MRAP2: variants seen among roughly 807,000 people sequenced by gnomAD.
MRAP2 encodes melanocortin 2 receptor accessory protein 2.
A neutral mutation model predicts 17.4 loss-of-function variants in MRAP2; 20 were observed. The ratio of observed to expected loss-of-function variants is 1.15; its 90% confidence interval spans 0.81 to 1.67. The LOEUF is 1.67. MRAP2 is among the 40% of genes most tolerant of loss of function. The pLI is 0.00. For missense variants in MRAP2, 238 were observed against 240.0 expected (o/e 0.99, Z 0.05); for synonymous variants, 96 against 88.4 (o/e 1.09, Z -0.48).
At chr6:84,103,605 T>C in the MRAP2 span, among the ~76,000 whole-genome samples, 10 of 152,370 alleles carry the variant, frequency 6.6e-5, no homozygotes, top group African/African-American at 2.2e-4. Flanking sequence ...TTGCCCTTTA[T>C]AAATAATTCA....
intron 1 of MRAP2, among the ~76,000 whole-genome samples, chr6:84,040,816 G>T (rs895846383): frequency 5.3e-5 from 8 of 152,154 alleles, no homozygotes; most frequent in Non-Finnish European, 1.2e-4. Flanking sequence ...AAGTGTTCAA[G>T]AGGTGACAGA....
At chr6:84,142,034 C>T in the MRAP2 span, among the ~76,000 whole-genome samples, 1 of 152,102 alleles carries the variant, frequency 6.6e-6, no homozygotes, top group Non-Finnish European at 1.5e-5. Flanking sequence ...AAGGAGTTAA[C>T]TAAAACAACC....
chr6:84,104,293 T>C, the MRAP2 span, among the ~76,000 whole-genome samples: 25 of 152,294 alleles, frequency 1.6e-4, no homozygotes, highest in Admixed American at 1.1e-3. Context: ...AAACCATCTT[T>C]TCCTCCTAGG....
At chr6:84,136,573 T>C in the MRAP2 span, among the ~76,000 whole-genome samples, 1 of 152,188 alleles carries the variant, frequency 6.6e-6, no homozygotes, top group Non-Finnish European at 1.5e-5. Context: ...GGAGACATTA[T>C]AGGCTATATG....
intron 1 of MRAP2, among the ~76,000 whole-genome samples, chr6:84,039,788 G>A (rs1229243861): frequency 6.6e-6 from 1 of 152,204 alleles, no homozygotes; most frequent in Non-Finnish European, 1.5e-5. Context: ...CAGGCTGAGG[G>A]AGGGGCTTCT....
chr6:84,083,955 A>G (rs1285822152), intron 3 of MRAP2, among the ~76,000 whole-genome samples: 3 of 152,206 alleles, frequency 2.0e-5, no homozygotes, highest in Non-Finnish European at 2.9e-5. Context: ...AACTCAAATT[A>G]TATTTCTGAC....
the MRAP2 span, among the ~76,000 whole-genome samples, chr6:84,129,309 C>T: frequency 6.6e-6 from 1 of 152,218 alleles, no homozygotes; most frequent in African/African-American, 2.4e-5. Flanking sequence ...CTCCCACCAA[C>T]AGTGTAAAAG....
the MRAP2 span, among the ~76,000 whole-genome samples, chr6:84,120,646 T>C: frequency 0.05 from 7,657 of 152,250 alleles, 288 homozygotes; most frequent in Admixed American, 0.11. Flanking sequence ...AAATAGGATA[T>C]ACCTTTCCTG....
chr6:84,092,864 C>T (rs188838955), downstream of MRAP2, among the ~76,000 whole-genome samples: 30 of 152,128 alleles, frequency 2.0e-4, no homozygotes, highest in Admixed American at 1.2e-3. Context: ...AAGGATCAAC[C>T]GTATTCCCAT....
chr6:84,054,915 A>G, intron 1 of MRAP2, among the ~76,000 whole-genome samples: 1 of 152,182 alleles, frequency 6.6e-6, no homozygotes, highest in East Asian at 1.9e-4. Flanking sequence ...TCAGCAATGA[A>G]CTAGTTTCAG....
Position 84,037,308 on chromosome 6 carries a change from C to T in MRAP2, c.-8+3425C>T, listed in dbSNP as rs867159691. Among the ~76,000 whole-genome samples the T allele has an allele frequency of 1.5e-4, 22 of 151,082 alleles. No individual in the cohort carries two copies. The Middle Eastern group carries it at 0.011, about 73-fold the overall frequency. ...TACAGAGTGCTGATTGGTGCATCCACGAACCCCGAGCTAGACACAGAGTGC... is the reference window on the plus strand; with the variant it reads ...TACAGAGTGCTGATTGGTGCATCCATGAACCCCGAGCTAGACACAGAGTGC... On this transcript the variant is annotated intron_variant, in intron 1 of 3. Coordinates refer to ENST00000257776, the MANE Select transcript of MRAP2 (RefSeq NM_138409.4).
At chr6:84,079,044 C>T (rs945803252) in intron 3 of MRAP2, among the ~76,000 whole-genome samples, 1 of 152,178 alleles carries the variant, frequency 6.6e-6, no homozygotes, top group South Asian at 2.1e-4. Context: ...CTACATGACT[C>T]AATTCTATTC....
intron 2 of MRAP2, chr6:84,061,646 G>T: frequency 2.8e-6 from 1 of 360,894 alleles, no homozygotes; most frequent in Non-Finnish European, 3.9e-6. Flanking sequence ...AGTTGTTCCA[G>T]CCAGGTAGTG....
intron 1 of MRAP2, among the ~76,000 whole-genome samples, chr6:84,050,386 C>T (rs1290882268): frequency 1.3e-5 from 2 of 152,126 alleles, no homozygotes; most frequent in Admixed American, 6.5e-5. Flanking sequence ...GAGGCATTGC[C>T]TTATAGAGAT....
chr6:84,045,221 A>G, intron 1 of MRAP2: 6 of 985,384 alleles, frequency 6.1e-6, no homozygotes, highest in Non-Finnish European at 7.2e-6. Context: ...ACAATGAATG[A>G]TGATAGTGAC....
At chr6:84,106,330 G>A in the MRAP2 span, among the ~76,000 whole-genome samples, 1 of 152,188 alleles carries the variant, frequency 6.6e-6, no homozygotes, top group African/African-American at 2.4e-5. Context: ...ATGCAGGAAA[G>A]GCAAATCCAT....
At chr6:84,125,687 G>A in the MRAP2 span, among the ~76,000 whole-genome samples, 261 of 152,162 alleles carry the variant, frequency 1.7e-3, no homozygotes, top group Middle Eastern at 6.8e-3. Flanking sequence ...TGGTACTGAG[G>A]AAAGATCATG....
chr6:84,142,003 G>A, the MRAP2 span, among the ~76,000 whole-genome samples: 2 of 152,088 alleles, frequency 1.3e-5, no homozygotes, highest in Non-Finnish European at 2.9e-5. Flanking sequence ...ATCTCACCAT[G>A]TCTTTGAAAT....
the MRAP2 span, among the ~76,000 whole-genome samples, chr6:84,109,236 G>A: frequency 6.6e-6 from 1 of 152,156 alleles, no homozygotes; most frequent in Non-Finnish European, 1.5e-5. Flanking sequence ...AATGGGAATA[G>A]CACTGAATCT....
Sources: gnomAD v4.1 joint callset for allele counts (sites outside exome capture counted in the v4.1 genomes callset) on GRCh38, gnomAD v4.1.1 for gene constraint, MANE v1.5 for transcripts, NCBI Gene and HGNC (gene_info 2026-07-23, HGNC 2026-07-21) for gene names.